Variants in PPM1H observed in about 807,000 individuals in gnomAD.
PPM1H encodes protein phosphatase 1H.
A neutral mutation model predicts 54.9 loss-of-function variants in PPM1H; 27 were observed. The ratio of observed to expected loss-of-function variants is 0.49; its 90% CI spans 0.36 to 0.68. PPM1H has a LOEUF of 0.68. PPM1H is among the 30% of genes least tolerant of loss of function. The probability of loss-of-function intolerance (pLI) is 0.00; values close to 1 mark genes in which losing one functional copy is unlikely to be tolerated. For synonymous variants in PPM1H, 305 were observed against 270.8 expected (o/e 1.13, Z -1.24); for missense variants, 596 against 667.8 (o/e 0.89, Z 1.19).
At chr12:62,734,262 A>C (rs1477825520) in intron 5 of PPM1H, among the ~76,000 whole-genome samples, 2 of 152,132 alleles carry the variant, frequency 1.3e-5, no homozygotes, top group Non-Finnish European at 2.9e-5. Context: ...CATCTGTGAG[A>C]AATTAATTCT....
At chr12:62,917,538 G>A (rs1007943751) in intron 1 of PPM1H, among the ~76,000 whole-genome samples, 1 of 152,170 alleles carries the variant, frequency 6.6e-6, no homozygotes, top group Non-Finnish European at 1.5e-5. Flanking sequence ...GGAAAAGCTT[G>A]TCATCACCAC....
At chr12:62,702,609 T>C (rs1205351230) in intron 6 of PPM1H, among the ~76,000 whole-genome samples, 1 of 151,364 alleles carries the variant, frequency 6.6e-6, no homozygotes, top group East Asian at 1.9e-4. Context: ...TAAGTCTTAA[T>C]TCCCTTAGCA....
intron 9 of PPM1H, among the ~76,000 whole-genome samples, chr12:62,666,291 A>G (rs2075917277): frequency 6.6e-6 from 1 of 152,156 alleles, no homozygotes; most frequent in South Asian, 2.1e-4. Context: ...AAGTATTTAC[A>G]GGTCCAATTC....
intron 6 of PPM1H, among the ~76,000 whole-genome samples, chr12:62,711,148 C>T (rs998481923): frequency 1.3e-5 from 2 of 152,170 alleles, no homozygotes; most frequent in Admixed American, 6.5e-5. Flanking sequence ...CGTGCCAACA[C>T]ACCCAGAACA....
At chr12:62,832,041 T>A in intron 2 of PPM1H, 73 bp downstream of exon 2, 7 of 1,528,188 alleles carry the variant, frequency 4.6e-6, no homozygotes, top group Non-Finnish European at 6.3e-6. Flanking sequence ...GGTGAAGCCC[T>A]AATGTCTTCC....
chr12:62,842,009 C>T (rs1039399032), intron 1 of PPM1H, among the ~76,000 whole-genome samples: 1 of 152,124 alleles, frequency 6.6e-6, no homozygotes, highest in Admixed American at 6.5e-5. Context: ...CCACCAATGT[C>T]CAACTTCCTT....
At chr12:62,781,630 G>A (rs748480451) in intron 4 of PPM1H, among the ~76,000 whole-genome samples, 6 of 152,246 alleles carry the variant, frequency 3.9e-5, no homozygotes, top group South Asian at 2.1e-4. Flanking sequence ...GAGTTTCAGC[G>A]AGCAGTGATC....
chr12:62,791,860 G>T (rs541514084), intron 3 of PPM1H, among the ~76,000 whole-genome samples: 1 of 152,268 alleles, frequency 6.6e-6, no homozygotes, highest in South Asian at 2.1e-4. Flanking sequence ...GGAGCCGGAG[G>T]TTGCAGTGAG....
intron 1 of PPM1H, among the ~76,000 whole-genome samples, chr12:62,884,489 G>A (rs1266492899): frequency 1.2e-4 from 6 of 48,526 alleles, no homozygotes; most frequent in African/African-American, 5.3e-4. Flanking sequence ...CAACAAGAAT[G>A]AAACTCCATA....
intron 1 of PPM1H, among the ~76,000 whole-genome samples, chr12:62,841,814 CAAT>C (rs1056099561): frequency 2.0e-5 from 3 of 152,142 alleles, no homozygotes; most frequent in African/African-American, 7.2e-5. Context: ...AAAAAACAAA[CAAT>C]AAAGATCAAA....
At chr12:62,725,188 T>C (rs2076283477) in intron 5 of PPM1H, among the ~76,000 whole-genome samples, 1 of 152,216 alleles carries the variant, frequency 6.6e-6, no homozygotes, top group South Asian at 2.1e-4. Context: ...CAGTGATGCT[T>C]AACAAGCCCT....
At chr12:62,693,825 G>T in intron 7 of PPM1H, 111 bp downstream of exon 7, 1 of 936,358 alleles carries the variant, frequency 1.1e-6, no homozygotes, top group Non-Finnish European at 1.7e-6. Context: ...AGCTGTCAAG[G>T]CTATAAAATC....
intron 3 of PPM1H, among the ~76,000 whole-genome samples, chr12:62,795,797 G>A (rs999859488): frequency 6.6e-6 from 1 of 151,980 alleles, no homozygotes; most frequent in Non-Finnish European, 1.5e-5. Context: ...TGTGATCTCG[G>A]CTCACTGCGA....
chr12:62,673,711 C>T (rs976668872), intron 8 of PPM1H, among the ~76,000 whole-genome samples: 1 of 69,692 alleles, frequency 1.4e-5, no homozygotes, highest in South Asian at 6.2e-4. Context: ...TGAGAAGAGC[C>T]ACTCTTTTTT....
chr12:62,878,437 C>T (rs555112235), intron 1 of PPM1H, among the ~76,000 whole-genome samples: 27 of 151,886 alleles, frequency 1.8e-4, no homozygotes, highest in African/African-American at 3.9e-4. Flanking sequence ...CAGCTGGTTT[C>T]AATTTGATAC....
chr12:62,858,127 T>C (rs935171767), intron 1 of PPM1H, among the ~76,000 whole-genome samples: 5 of 150,358 alleles, frequency 3.3e-5, no homozygotes, highest in Admixed American at 3.3e-4. Context: ...AATCTCTCCA[T>C]TGCTTTCACT....
chr12:62,875,129 G>A (rs934061617), intron 1 of PPM1H, among the ~76,000 whole-genome samples: 2 of 152,212 alleles, frequency 1.3e-5, no homozygotes, highest in African/African-American at 4.8e-5. Flanking sequence ...ATTCAAGCCT[G>A]GGAGAAGTCT....
intron 8 of PPM1H, among the ~76,000 whole-genome samples, chr12:62,683,033 T>TTTA (rs71086626): frequency 0.063 from 8,405 of 133,470 alleles, 284 homozygotes; most frequent in East Asian, 0.086. Flanking sequence ...GAGTTTATTA[T>TTTA]TTATTATTAT....
At chr12:62,697,970 A>G (rs1202005495) in intron 6 of PPM1H, among the ~76,000 whole-genome samples, 1 of 152,158 alleles carries the variant, frequency 6.6e-6, no homozygotes, top group African/African-American at 2.4e-5. Flanking sequence ...GATGAGAAAA[A>G]AAATGCAAGG....
Sources: allele counts gnomAD v4.1 joint callset (sites outside exome capture counted in the v4.1 genomes callset), GRCh38; gene constraint gnomAD v4.1.1; transcripts MANE v1.5; gene names NCBI Gene and HGNC (gene_info 2026-07-23, HGNC 2026-07-21).